Variants in PARPBP observed in about 807,000 individuals in gnomAD.
PARPBP encodes the protein PCNA-interacting partner.
PARPBP carries 52 observed loss-of-function variants against 50.0 expected under a neutral mutation model. The ratio of observed to expected loss-of-function variants is 1.04; its 90% CI spans 0.83 to 1.31. The LOEUF is 1.31. PARPBP is among the 50% of genes most tolerant of loss of function. The pLI, the probability that PARPBP is intolerant of heterozygous loss-of-function variation, is 0.00. For synonymous variants in PARPBP, 244 were observed against 232.1 expected (o/e 1.05, Z -0.47); for missense variants, 697 against 672.0 (o/e 1.04, Z -0.41).
intron 2 of PARPBP, among the ~76,000 whole-genome samples, chr12:102,143,269 G>A (rs549235259): frequency 3.3e-5 from 5 of 152,188 alleles, no homozygotes; most frequent in Non-Finnish European, 5.9e-5. Context: ...TCTTGTGGGC[G>A]TGGGACCCTC....
chr12:102,194,932 T>G (rs1594645456), intron 9 of PARPBP, among the ~76,000 whole-genome samples: 2 of 151,820 alleles, frequency 1.3e-5, no homozygotes, highest in Non-Finnish European at 3.0e-5. Flanking sequence ...GATGAAGAAC[T>G]TGTATTTTTC....
intron 2 of PARPBP, among the ~76,000 whole-genome samples, chr12:102,128,186 T>C (rs10128915): frequency 0.28 from 43,208 of 151,826 alleles, 6,570 homozygotes; most frequent in East Asian, 0.42. Flanking sequence ...ACCCACTGTG[T>C]CCCCACATCC....
chr12:102,185,220 T>C (rs1230181704), intron 9 of PARPBP, among the ~76,000 whole-genome samples: 3 of 152,204 alleles, frequency 2.0e-5, no homozygotes, highest in African/African-American at 7.2e-5. Flanking sequence ...TGATGGTCTT[T>C]CAGAGGTTTT....
intron 2 of PARPBP, among the ~76,000 whole-genome samples, chr12:102,140,869 C>T (rs554699694): frequency 2.0e-5 from 3 of 152,282 alleles, no homozygotes; most frequent in Non-Finnish European, 4.4e-5. Context: ...AATTTCTGTT[C>T]TTTTACATTT....
chr12:102,170,905 CTTTT>C (rs56390964), intron 6 of PARPBP, among the ~76,000 whole-genome samples: 1 of 113,306 alleles, frequency 8.8e-6, no homozygotes, highest in Admixed American at 8.9e-5. Flanking sequence ...TTTAATTTTT[CTTTT>C]TTTTTTTTTT....
At chr12:102,140,548 C>T (rs1884413194) in intron 2 of PARPBP, among the ~76,000 whole-genome samples, 1 of 152,094 alleles carries the variant, frequency 6.6e-6, no homozygotes, top group Admixed American at 6.6e-5. Flanking sequence ...TTTGCTCTTG[C>T]TTCTGTAGTT....
chr12:102,190,184 T>C (rs1437613433), intron 9 of PARPBP, among the ~76,000 whole-genome samples: 1 of 152,178 alleles, frequency 6.6e-6, no homozygotes, highest in African/African-American at 2.4e-5. Context: ...TTATAGAGTC[T>C]GTTCTCTTTT....
intron 6 of PARPBP, among the ~76,000 whole-genome samples, chr12:102,172,257 A>G (rs529590275): frequency 1.3e-5 from 2 of 152,188 alleles, no homozygotes; most frequent in South Asian, 2.1e-4. Flanking sequence ...GAATAGCCAT[A>G]ATATATCTTC....
chr12:102,168,543 A>G (rs997628861), intron 6 of PARPBP, among the ~76,000 whole-genome samples: 6 of 152,144 alleles, frequency 3.9e-5, no homozygotes, highest in Non-Finnish European at 7.4e-5. Context: ...GGTTTGTTTT[A>G]TAAATAAAAT....
At position 102,163,851 on chromosome 12, in the gene PARPBP, A is replaced by T. The variant is rs193269795; in HGVS notation, c.496-587A>T. On this transcript the variant is annotated intron_variant, in intron 4 of 10. Coordinates refer to ENST00000327680, the MANE Select transcript of PARPBP (RefSeq NM_017915.5). ...GATATTCTTTTAATTCATTGAACAT[A>T]TTTCCTGTTAATATCTTGAACATAA... is the stretch of plus-strand genomic sequence containing the variant. Among the ~76,000 whole-genome samples the T allele has an allele frequency of 2.2e-4, 33 of 152,254 alleles. No individual in the cohort carries two copies. The East Asian group carries it at 4.6e-3, about 21-fold the overall frequency.
chr12:102,160,606 A>G (rs1040445124), intron 4 of PARPBP, among the ~76,000 whole-genome samples: 2 of 152,230 alleles, frequency 1.3e-5, no homozygotes, highest in Non-Finnish European at 2.9e-5. Context: ...GACTTGTGTA[A>G]TAGAAGTATT....
chr12:102,154,392 C>T (rs927758334), intron 4 of PARPBP, among the ~76,000 whole-genome samples: 3 of 152,036 alleles, frequency 2.0e-5, no homozygotes, highest in South Asian at 2.1e-4. Flanking sequence ...TAGGGTTTGT[C>T]GTATAAACCA....
In PARPBP at chr12:102,173,132, C is replaced by T. The variant is rs189584527; in HGVS notation, c.822-2351C>T. On this transcript the variant is annotated intron_variant, in intron 6 of 10. Coordinates refer to ENST00000327680, the MANE Select transcript of PARPBP (RefSeq NM_017915.5). ...AAAATAGGTGAAGGAGGAAAGCCAG[C>T]GAGGCAAGTGAAGAAGGGAAGCCAG... 3.2e-4 allele frequency among the ~76,000 whole-genome samples: 48 copies of T among 152,204 alleles called. No individual in the cohort carries two copies. In the East Asian group the frequency reaches 3.7e-3, roughly 12 times the overall value.
At chr12:102,175,396 G>T in intron 6 of PARPBP, 87 bp from the exon 7 acceptor site, 1 of 835,094 alleles carries the variant, frequency 1.2e-6, no homozygotes, top group Non-Finnish European at 1.9e-6. Context: ...TTTGAAAAGT[G>T]TTAACTCTGA....
intron 2 of PARPBP, among the ~76,000 whole-genome samples, chr12:102,135,701 G>C (rs1442430482): frequency 6.6e-6 from 1 of 152,110 alleles, no homozygotes; most frequent in Non-Finnish European, 1.5e-5. Context: ...TGTATAAAGA[G>C]GGTATCTTTC....
At chr12:102,168,252 A>G (rs1029017212) in intron 6 of PARPBP, among the ~76,000 whole-genome samples, 9 of 152,314 alleles carry the variant, frequency 5.9e-5, no homozygotes, top group South Asian at 2.1e-4. Flanking sequence ...TTATAATTAC[A>G]TTCCTTTTGG....
chr12:102,193,383 A>G (rs1243323260), intron 9 of PARPBP, among the ~76,000 whole-genome samples: 1 of 151,944 alleles, frequency 6.6e-6, no homozygotes, highest in African/African-American at 2.4e-5. Flanking sequence ...GGTGGTGCTC[A>G]TGAGAGTTTT....
intron 7 of PARPBP, among the ~76,000 whole-genome samples, chr12:102,176,129 C>T (rs889174366): frequency 2.6e-5 from 4 of 151,974 alleles, no homozygotes; most frequent in African/African-American, 2.4e-5. Flanking sequence ...ATTACAGGCA[C>T]CTGCCACCAT....
At chr12:102,191,829 A>T (rs1458652934) in intron 9 of PARPBP, among the ~76,000 whole-genome samples, 1 of 152,168 alleles carries the variant, frequency 6.6e-6, no homozygotes, top group Non-Finnish European at 1.5e-5. Context: ...TGTGACTTGA[A>T]CATGAAATGA....
Sources: allele counts gnomAD v4.1 joint callset (sites outside exome capture counted in the v4.1 genomes callset), GRCh38; gene constraint gnomAD v4.1.1; transcripts MANE v1.5; gene names NCBI Gene and HGNC (gene_info 2026-07-23, HGNC 2026-07-21).